Variants in MYOF observed in about 807,000 individuals in gnomAD.
MYOF encodes myoferlin.
A neutral mutation model predicts 284.2 loss-of-function variants in MYOF; 244 were observed. The observed-to-expected ratio is 0.86, with a 90% CI of 0.77 to 0.95. The LOEUF (loss-of-function observed/expected upper bound fraction) is 0.95, where lower values mean the gene tolerates loss of function less well. MYOF is among the 40% of genes least tolerant of loss of function. MYOF has a pLI of 0.00. For synonymous variants in MYOF, 904 were observed against 919.7 expected (o/e 0.98, Z 0.31); for missense variants, 2,496 against 2,560.6 (o/e 0.97, Z 0.54).
chr10:93,354,032 A>G lies in MYOF; in HGVS notation c.3404-144T>C, dbSNP rs1020797934. On this transcript the variant is annotated intron_variant, in intron 31 of 53. Coordinates refer to ENST00000359263, the MANE Select transcript of MYOF (RefSeq NM_013451.4). ...TTCCCCACAGTAAAGAGCACATAGA[A>G]TAGTGATGATGTGGCCTCCCAAAGT... The G allele has an allele frequency of 3.0e-5, 18 of 592,964 alleles. No individual in the cohort carries two copies. In the African/African-American group the frequency reaches 3.4e-4, roughly 11 times the overall value. 36.7% of individuals were successfully genotyped at this position (592,964 alleles called of 1,614,324 possible).
intron 41 of MYOF, among the ~76,000 whole-genome samples, chr10:93,335,691 GC>G (rs554741365): frequency 1.3e-5 from 2 of 151,080 alleles, no homozygotes; most frequent in Admixed American, 6.6e-5. Context: ...GAGTGCTCTG[GC>G]CCCCCTCCCC....
At chr10:93,446,289 A>G (rs2056427374) in intron 3 of MYOF, among the ~76,000 whole-genome samples, 1 of 152,104 alleles carries the variant, frequency 6.6e-6, no homozygotes, top group Admixed American at 6.5e-5. Flanking sequence ...ACCTCCTCCA[A>G]TGACCTGGCC....
At chr10:93,414,734 T>TTTTG (rs572207717) in intron 5 of MYOF, among the ~76,000 whole-genome samples, 12 of 151,796 alleles carry the variant, frequency 7.9e-5, no homozygotes, top group South Asian at 2.1e-4. Flanking sequence ...GGTTTTGTGT[T>TTTTG]TTTGTTTGTT....
At chr10:93,467,689 G>A (rs902989100) in intron 1 of MYOF, among the ~76,000 whole-genome samples, 31 of 152,118 alleles carry the variant, frequency 2.0e-4, no homozygotes, top group African/African-American at 6.8e-4. Flanking sequence ...GTTTATTGCG[G>A]CACTATTCAC....
chr10:93,404,434 G>T (rs1477309580), intron 7 of MYOF, among the ~76,000 whole-genome samples: 2 of 152,038 alleles, frequency 1.3e-5, no homozygotes, highest in Middle Eastern at 3.2e-3. Flanking sequence ...AGGAGAAAAG[G>T]GTAAGTAACA....
In MYOF at chr10:93,431,406, A is replaced by AC. The variant is rs781225984; in HGVS notation, c.345+1dup. ...CCATTCAATAAGAGAGAAAACACTCACCCCAGTATCTTGCCCTTTTTCATT... is the reference window on the plus strand; with the variant it reads ...CCATTCAATAAGAGAGAAAACACTCACCCCCAGTATCTTGCCCTTTTTCATT... On this transcript the variant is annotated splice_donor_variant, in intron 4 of 53. Coordinates refer to ENST00000359263, the MANE Select transcript of MYOF (RefSeq NM_013451.4). LOFTEE classifies it high-confidence loss of function. 1.9e-6 allele frequency: 3 copies of AC among 1,612,446 alleles called. No individual in the cohort carries two copies. The highest frequency in any genetic ancestry group is 2.2e-5 in the South Asian group (2 of 90,974).
chr10:93,340,165 C>T lies in MYOF; in HGVS notation c.4327-1G>A. The T allele has an allele frequency of 6.2e-7, 1 of 1,614,026 alleles. No homozygotes were observed. The highest frequency in any genetic ancestry group is 8.5e-7 in the Non-Finnish European group (1 of 1,179,944). Reference sequence around the variant, plus strand: ...ATACCATAGTTACCTTTTCTGTCAGCTGCTCGTGCACATGTCCCGTGAGGA... The same window carrying T: ...ATACCATAGTTACCTTTTCTGTCAGTTGCTCGTGCACATGTCCCGTGAGGA... On this transcript the variant is annotated splice_acceptor_variant, in intron 38 of 53. Coordinates refer to ENST00000359263, the MANE Select transcript of MYOF (RefSeq NM_013451.4). LOFTEE classifies it high-confidence loss of function.
chr10:93,319,770 T>A, intron 49 of MYOF, 102 bp downstream of exon 49: 1 of 1,505,446 alleles, frequency 6.6e-7, no homozygotes, highest in African/African-American at 1.4e-5. Flanking sequence ...GGAGCCGGAC[T>A]CAGTGACCTC....
intron 39 of MYOF, among the ~76,000 whole-genome samples, chr10:93,339,285 AC>A (rs916955800): frequency 1.1e-4 from 17 of 152,004 alleles, no homozygotes; most frequent in African/African-American, 3.9e-4. Flanking sequence ...TGCTGGGATT[AC>A]AGGCGTGAGC....
intron 5 of MYOF, among the ~76,000 whole-genome samples, chr10:93,421,364 C>A (rs1002991854): frequency 3.3e-5 from 5 of 152,160 alleles, no homozygotes; most frequent in Non-Finnish European, 7.3e-5. Flanking sequence ...GTCTTATATT[C>A]CCCCAAGATT....
At chr10:93,476,398 CCCA>C (rs1025992384) in intron 1 of MYOF, among the ~76,000 whole-genome samples, 112 of 151,848 alleles carry the variant, frequency 7.4e-4, no homozygotes, top group African/African-American at 2.6e-3. Flanking sequence ...ATTACAGGGG[CCCA>C]CCACCACGCC....
At chr10:93,343,021 T>G (rs759764930) in intron 38 of MYOF, among the ~76,000 whole-genome samples, 1 of 151,764 alleles carries the variant, frequency 6.6e-6, no homozygotes, top group African/African-American at 2.4e-5. Context: ...GTCCAGTTGT[T>G]AGTGAGTTTA....
At position 93,343,911 on chromosome 10, in the gene MYOF, G is replaced by A. The variant is rs780209361; in HGVS notation, c.4271C>T (p.Pro1424Leu). ...CATTTCGATAACGATGTCCCGGCATGGTGGGGCAGACAGAAGGGAGGCTGC... is the reference window on the plus strand; with the variant it reads ...CATTTCGATAACGATGTCCCGGCATAGTGGGGCAGACAGAAGGGAGGCTGC... Reference protein sequence around the residue: ...QLKASLLSAPPCRDIVIEMED... With the variant: ...QLKASLLSAPLCRDIVIEMED... The change falls in exon 38 of 54, where the codon CCA becomes CTA. Residue 1424 changes from proline (P) to leucine (L), a missense_variant. Coordinates refer to ENST00000359263, the MANE Select transcript of MYOF (RefSeq NM_013451.4). 3.1e-6 allele frequency: 5 copies of A among 1,614,180 alleles called. No homozygotes were observed. Among genetic ancestry groups the A allele is most frequent in the East Asian group, 4.5e-5 (2 of 44,890 alleles).
chr10:93,404,720 G>A (rs1311583599), intron 7 of MYOF, among the ~76,000 whole-genome samples: 1 of 151,630 alleles, frequency 6.6e-6, no homozygotes, highest in Non-Finnish European at 1.5e-5. Context: ...AGCGCTTAGA[G>A]CTGGCATGAC....
At chr10:93,444,815 G>T (rs1479132012) in intron 3 of MYOF, among the ~76,000 whole-genome samples, 2 of 152,202 alleles carry the variant, frequency 1.3e-5, no homozygotes, top group African/African-American at 4.8e-5. Context: ...ACATGTACAG[G>T]TTCTTGAAGA....
At chr10:93,394,105 T>C (rs1846833699) in intron 16 of MYOF, among the ~76,000 whole-genome samples, 1 of 152,170 alleles carries the variant, frequency 6.6e-6, no homozygotes, top group Non-Finnish European at 1.5e-5. Context: ...TGTTTATTCA[T>C]TCATTTATTC....
At chr10:93,369,405 T>C (rs1217981711) in intron 25 of MYOF, among the ~76,000 whole-genome samples, 1 of 152,098 alleles carries the variant, frequency 6.6e-6, no homozygotes, top group African/African-American at 2.4e-5. Flanking sequence ...GGCATCTAAG[T>C]CATCTCTTGG....
intron 12 of MYOF, 34 bp downstream of exon 12, chr10:93,401,384 A>T: frequency 6.2e-7 from 1 of 1,609,002 alleles, no homozygotes. Flanking sequence ...ACACATAATC[A>T]ACAATTCTGG....
At chr10:93,392,871 A>G (rs1313677000) in intron 17 of MYOF, 46 bp downstream of exon 17, 2 of 1,532,516 alleles carry the variant, frequency 1.3e-6, no homozygotes, top group African/African-American at 1.4e-5. Context: ...ATAAGATAAT[A>G]TTAGCTAGGA....
Sources: allele counts gnomAD v4.1 joint callset (sites outside exome capture counted in the v4.1 genomes callset), GRCh38; gene constraint gnomAD v4.1.1; transcripts MANE v1.5; gene names NCBI Gene and HGNC (gene_info 2026-07-23, HGNC 2026-07-21).